Variants in SGCZ observed in about 807,000 individuals in gnomAD.
The protein encoded by SGCZ is zeta-sarcoglycan.
SGCZ carries 40 observed loss-of-function variants against 41.3 expected under a neutral mutation model. The observed-to-expected ratio is 0.97, with a 90% confidence interval of 0.75 to 1.26. The LOEUF (loss-of-function observed/expected upper bound fraction) is 1.26. Among genes scored for constraint, SGCZ ranks in the 50% most tolerant of loss-of-function variants. SGCZ has a pLI of 0.00. For synonymous variants in SGCZ, 206 were observed against 137.5 expected, an observed-to-expected ratio of 1.50 and a Z score of -3.49; for missense variants, 552 against 369.8, an observed-to-expected ratio of 1.49 and a Z score of -4.04.
At chr8:14,300,875 C>T (rs1801162533) in intron 3 of SGCZ, among the ~76,000 whole-genome samples, 1 of 151,852 alleles carries the variant, frequency 6.6e-6, no homozygotes, top group African/African-American at 2.4e-5. Context: ...GATATTAACC[C>T]CTTACCAGAT....
intron 2 of SGCZ, among the ~76,000 whole-genome samples, chr8:14,491,050 C>T (rs1801827276): frequency 6.6e-6 from 1 of 152,130 alleles, no homozygotes; most frequent in Admixed American, 6.5e-5. Context: ...TGTTATGTTT[C>T]CTCATTTTAC....
chr8:14,467,748 G>A (rs1490150428), intron 2 of SGCZ, among the ~76,000 whole-genome samples: 4 of 151,992 alleles, frequency 2.6e-5, no homozygotes, highest in African/African-American at 9.6e-5. Context: ...CTCCTCATGT[G>A]CTTGCTTATG....
At chr8:14,581,797 A>G (rs1585098298) in intron 1 of SGCZ, among the ~76,000 whole-genome samples, 1 of 152,070 alleles carries the variant, frequency 6.6e-6, no homozygotes, top group East Asian at 1.9e-4. Context: ...GTGAACAAAA[A>G]GAAAACTGAA....
chr8:14,362,640 C>T (rs1049504660), intron 2 of SGCZ, among the ~76,000 whole-genome samples: 1 of 152,180 alleles, frequency 6.6e-6, no homozygotes, highest in Non-Finnish European at 1.5e-5. Flanking sequence ...CCCCAGACCC[C>T]TTGCACCCCC....
intron 1 of SGCZ, among the ~76,000 whole-genome samples, chr8:14,710,369 CAAAAAAAAA>C (rs770994264): frequency 2.2e-5 from 2 of 92,430 alleles, no homozygotes; most frequent in African/African-American, 7.3e-5. Flanking sequence ...GACTCCGCAT[CAAAAAAAAA>C]AAAAAAAAAA....
chr8:14,747,081 C>A (rs568045443), intron 1 of SGCZ, among the ~76,000 whole-genome samples: 3 of 152,214 alleles, frequency 2.0e-5, no homozygotes, highest in Admixed American at 6.5e-5. Flanking sequence ...AGTGCTATTT[C>A]AATTGGGGTA....
chr8:15,071,346 C>A (rs1021860553), intron 1 of SGCZ, among the ~76,000 whole-genome samples: 3 of 152,080 alleles, frequency 2.0e-5, no homozygotes, highest in East Asian at 1.9e-4. Context: ...AGCTAGATTT[C>A]TTTGATAAAT....
At position 14,324,145 on chromosome 8, in the gene SGCZ, C is replaced by T; in HGVS notation, c.294G>A (p.Glu98=). ...CTTTCACATACAATGGAAGTAGAAA[C>T]TCAGATATACCTTCAAGTCGGATTC... The part of the protein sequence containing the change: ...KKGIRLEGIS[E]FLLPLYVKEI... The change falls in exon 3 of 8, where the codon GAG becomes GAA. Residue 98 remains glutamate (E), a synonymous_variant. Coordinates refer to ENST00000382080, the MANE Select transcript of SGCZ (RefSeq NM_139167.4). The T allele has an allele frequency of 6.2e-7, 1 of 1,613,056 alleles. No individual in the cohort carries two copies. The highest frequency in any genetic ancestry group is 1.7e-5 in the Admixed American group (1 of 59,960).
chr8:15,114,228 A>G (rs1051589298), intron 1 of SGCZ, among the ~76,000 whole-genome samples: 3 of 152,230 alleles, frequency 2.0e-5, no homozygotes, highest in South Asian at 2.1e-4. Flanking sequence ...TTTGTAGGTA[A>G]AAGTGGAGAG....
intron 5 of SGCZ, among the ~76,000 whole-genome samples, chr8:14,145,303 A>G (rs1357269954): frequency 6.6e-6 from 1 of 152,146 alleles, no homozygotes; most frequent in East Asian, 1.9e-4. Flanking sequence ...ATTCTCTCAG[A>G]TCTTGTCCAT....
intron 4 of SGCZ, among the ~76,000 whole-genome samples, chr8:14,218,124 G>A (rs113136777): frequency 6.6e-6 from 1 of 152,120 alleles, no homozygotes; most frequent in African/African-American, 2.4e-5. Flanking sequence ...CCCCTAGGCA[G>A]TATAATAAGG....
chr8:14,996,479 G>A (rs1040613687), intron 1 of SGCZ, among the ~76,000 whole-genome samples: 55 of 152,042 alleles, frequency 3.6e-4, no homozygotes, highest in African/African-American at 1.3e-3. Flanking sequence ...ACAGCTTACC[G>A]CAGCCTTGAA....
rs367860534 is a variant in SGCZ at position 14,996,274 on chromosome 8, C to T, written c.39+241311G>A. Among the ~76,000 whole-genome samples the T allele has an allele frequency of 1.7e-4, 26 of 152,242 alleles. 1 individual carries two copies. Among genetic ancestry groups the T allele is most frequent in the Admixed American group, 1.1e-3 (17 of 15,304 alleles). On this transcript the variant is annotated intron_variant, in intron 1 of 7. Transcript: ENST00000382080. ...TATATAAAAATGCAGCATTCTGAAC[C>T]GCATGAAACCATTTACAAAATTATT...
chr8:14,676,226 C>T (rs1554478484), intron 1 of SGCZ, among the ~76,000 whole-genome samples: 2 of 152,164 alleles, frequency 1.3e-5, no homozygotes, highest in Non-Finnish European at 2.9e-5. Context: ...AATGCCAGAA[C>T]TTTTGGAGGC....
intron 1 of SGCZ, among the ~76,000 whole-genome samples, chr8:14,779,145 C>T (rs748003765): frequency 1.3e-5 from 2 of 152,188 alleles, no homozygotes; most frequent in Non-Finnish European, 2.9e-5. Flanking sequence ...GGTCTCCATG[C>T]CTTTTTTGAG....
intron 3 of SGCZ, among the ~76,000 whole-genome samples, chr8:14,280,031 T>C (rs944327707): frequency 8.0e-4 from 121 of 152,026 alleles, no homozygotes; most frequent in African/African-American, 2.9e-3. Flanking sequence ...ATGGTAGGAG[T>C]CAAATATAGA....
chr8:14,763,416 C>G (rs1354487661), intron 1 of SGCZ, among the ~76,000 whole-genome samples: 1 of 152,154 alleles, frequency 6.6e-6, no homozygotes, highest in East Asian at 1.9e-4. Flanking sequence ...AATCCATTGT[C>G]TCTTCTTCAA....
intron 3 of SGCZ, among the ~76,000 whole-genome samples, chr8:14,301,598 G>A (rs995737205): frequency 6.6e-6 from 1 of 151,912 alleles, no homozygotes; most frequent in African/African-American, 2.4e-5. Flanking sequence ...TTCAACTTTG[G>A]TTTCTCTAAT....
chr8:14,532,944 C>A (rs972835308), intron 2 of SGCZ, among the ~76,000 whole-genome samples: 3 of 151,886 alleles, frequency 2.0e-5, no homozygotes, highest in African/African-American at 7.3e-5. Context: ...CTAGTTCTTA[C>A]AGCAAGCAGA....
Sources: gnomAD v4.1 joint callset for allele counts (sites outside exome capture counted in the v4.1 genomes callset) on GRCh38, gnomAD v4.1.1 for gene constraint, MANE v1.5 for transcripts, NCBI Gene and HGNC (gene_info 2026-07-23, HGNC 2026-07-21) for gene names.